Variants in ARAP2 observed in about 807,000 individuals in gnomAD.
ARAP2 encodes ArfGAP with RhoGAP domain, ankyrin repeat and PH domain 2, also known as arf-GAP with Rho-GAP domain, ANK repeat and PH domain-containing protein 2.
In ARAP2, 148 loss-of-function variants were observed where a neutral mutation model predicts 194.5. The ratio of observed to expected loss-of-function variants is 0.76; its 90% CI spans 0.67 to 0.87. The LOEUF (loss-of-function observed/expected upper bound fraction) is 0.87. ARAP2 is among the 40% of genes least tolerant of loss of function. The pLI is 0.00. For missense variants in ARAP2, 2,128 were observed against 1,989.7 expected, an observed-to-expected ratio of 1.07 and a Z score of -1.32; for synonymous variants, 695 against 683.5, an observed-to-expected ratio of 1.02 and a Z score of -0.26.
Position 36,183,403 on chromosome 4 carries a change from G to A in ARAP2, c.1678+4048C>T, listed in dbSNP as rs561139957. On this transcript the variant is annotated intron_variant, in intron 8 of 32. Coordinates refer to ENST00000303965, the MANE Select transcript of ARAP2 (RefSeq NM_015230.4). ...AATAACACACGTGCATGTTTCCCAC[G>A]GGGTCTAGAATCTGCTAAGATGGAC... 7.2e-5 allele frequency among the ~76,000 whole-genome samples: 11 copies of A among 152,168 alleles called. No individual in the cohort carries two copies. In the East Asian group the frequency reaches 1.4e-3, roughly 19 times the overall value.
chr4:36,118,799 G>A (rs1373798610), intron 24 of ARAP2, among the ~76,000 whole-genome samples: 8 of 151,324 alleles, frequency 5.3e-5, no homozygotes, highest in Non-Finnish European at 1.2e-4. Flanking sequence ...GGTCAAAATG[G>A]AGAAAATAAT....
intron 6 of ARAP2, among the ~76,000 whole-genome samples, chr4:36,194,124 T>C (rs190287358): frequency 4.2e-4 from 64 of 152,320 alleles, no homozygotes; most frequent in African/African-American, 1.4e-3. Flanking sequence ...TTGATTAAGC[T>C]GAAAAAGACC....
chr4:36,215,771 C>G (rs566396603), intron 2 of ARAP2, among the ~76,000 whole-genome samples: 1 of 152,046 alleles, frequency 6.6e-6, no homozygotes, highest in Admixed American at 6.5e-5. Context: ...ACTGCTTGAG[C>G]CCAGGAGGCG....
intron 2 of ARAP2, among the ~76,000 whole-genome samples, chr4:36,215,902 C>A (rs1038979635): frequency 1.3e-5 from 2 of 151,542 alleles, no homozygotes; most frequent in Admixed American, 6.6e-5. Context: ...AGAACCAGCA[C>A]GGGCAATATA....
At chr4:36,200,261 A>T (rs552230263) in intron 6 of ARAP2, among the ~76,000 whole-genome samples, 266 of 147,410 alleles carry the variant, frequency 1.8e-3, no homozygotes, top group African/African-American at 6.0e-3. Context: ...TTATTTATTT[A>T]TTTTTTTTTT....
rs1264496339 is a variant in ARAP2, at chr4:36,018,453, A to G, written n.750+691T>C. On this transcript the variant is annotated intron_variant and non_coding_transcript_variant, in intron 6 of 12. Transcript: ENST00000503225. The stretch of plus-strand genomic sequence containing the variant: ...GACAACTCACTCAATATCTCAAAAA[A>G]AAAAAAAAAAACTCAGCTGAAATGT... 2.6e-5 allele frequency among the ~76,000 whole-genome samples: 4 copies of G among 152,176 alleles called. No homozygotes were observed. In the South Asian group the frequency reaches 6.2e-4, roughly 24 times the overall value.
In ARAP2 at chr4:36,177,933, G is replaced by A. The variant is rs772678058; in HGVS notation, c.1751C>T (p.Ala584Val). 6.2e-7 allele frequency: 1 copy of A among 1,613,560 alleles called. No individual in the cohort carries two copies. The highest frequency in any genetic ancestry group is 8.5e-7 in the Non-Finnish European group (1 of 1,179,678). ...TCCACATTTCTCAGGTGTAACAACA[G>A]CTTGAGACTGCGAGGTAAGGGATTG... Reference protein sequence around the residue: ...KSQSLTSQSQAVVTPEKCGYL... With the variant: ...KSQSLTSQSQVVVTPEKCGYL... The change falls in exon 9 of 33, where the codon GCT becomes GTT. Residue 584 changes from alanine (A) to valine (V), a missense_variant. By Grantham distance (64) the Ala-to-Val change is moderately conservative. Transcript: ENST00000303965.
At position 36,107,611 on chromosome 4, in the gene ARAP2, C is replaced by T; in HGVS notation, c.4239G>A (p.Leu1413=). ...SSLAEPGSAY[L]VVKRFLTADT... ...CAGCGGTTAAGAATCTCTTCACCAC[C>T]AGGTAAGCAGAGCCAGGTTCAGCTA... The change falls in exon 27 of 33, where the codon CTG becomes CTA. Residue 1413 remains leucine, a synonymous_variant. Coordinates refer to ENST00000303965, the MANE Select transcript of ARAP2 (RefSeq NM_015230.4). 6.2e-7 allele frequency: 1 copy of T among 1,610,806 alleles called. No homozygotes were observed. Among genetic ancestry groups the T allele is most frequent in the South Asian group, 1.1e-5 (1 of 90,802 alleles).
chr4:36,148,032 C>T (rs1730054595), intron 17 of ARAP2, among the ~76,000 whole-genome samples: 1 of 152,112 alleles, frequency 6.6e-6, no homozygotes, highest in African/African-American at 2.4e-5. Context: ...AAATGTCAAC[C>T]TTCAGCATTT....
At chr4:36,054,668 A>G (rs1172816868) in intron 2 of ARAP2, among the ~76,000 whole-genome samples, 1 of 152,226 alleles carries the variant, frequency 6.6e-6, no homozygotes, top group Non-Finnish European at 1.5e-5. Flanking sequence ...AAAAGCAAAC[A>G]TAAAAGGCAA....
rs1484454287 is a variant in ARAP2, at chr4:36,147,283, A to T, written c.3263+13T>A. The T allele has an allele frequency of 1.2e-6, 2 of 1,612,082 alleles. No homozygotes were observed. Among genetic ancestry groups the T allele is most frequent in the South Asian group, 2.2e-5 (2 of 90,962 alleles). On this transcript the variant is annotated intron_variant, in intron 19 of 32. Transcript: ENST00000303965. ...TTGTTGAGATAAGGAATAAAAAGCA[A>T]AAAGGCACTTACCTCCCTTTTTCTA...
intron 19 of ARAP2, among the ~76,000 whole-genome samples, chr4:36,137,554 A>C (rs1727143232): frequency 6.6e-6 from 1 of 151,826 alleles, no homozygotes; most frequent in Middle Eastern, 3.2e-3. Flanking sequence ...TGATCCCTTA[A>C]AGGAAAAGAT....
chr4:36,179,445 T>C (rs1299370335), intron 8 of ARAP2, among the ~76,000 whole-genome samples: 1 of 152,142 alleles, frequency 6.6e-6, no homozygotes, highest in Non-Finnish European at 1.5e-5. Context: ...GGCATGCGCA[T>C]CCACGCAGAC....
intron 2 of ARAP2, among the ~76,000 whole-genome samples, chr4:36,219,573 A>C (rs1048995843): frequency 1.3e-5 from 2 of 152,194 alleles, no homozygotes; most frequent in African/African-American, 4.8e-5. Context: ...AAATGTTCTA[A>C]ATCTTAATTG....
Position 36,083,348 on chromosome 4 carries a change from A to T in ARAP2, c.4508+20T>A, listed in dbSNP as rs762615992. ...TTTCCCATAAGTTTTTCCTTTCAGC[A>T]CTTCCCTTTCAAACTTTACCTTGTT... On this transcript the variant is annotated intron_variant, in intron 29 of 32. Coordinates refer to ENST00000303965, the MANE Select transcript of ARAP2 (RefSeq NM_015230.4). The T allele has an allele frequency of 6.4e-7, 1 of 1,561,712 alleles. No homozygotes were observed. The highest frequency in any genetic ancestry group is 1.4e-5 in the African/African-American group (1 of 73,330).
At chr4:36,160,089 T>A (rs1274941225) in intron 13 of ARAP2, 2 of 993,440 alleles carry the variant, frequency 2.0e-6, no homozygotes, top group African/African-American at 3.5e-5. Flanking sequence ...ATAGGAACTG[T>A]TAGAATCCTT....
At chr4:36,036,934 T>C (rs1203489072) in intron 5 of ARAP2, among the ~76,000 whole-genome samples, 1 of 152,166 alleles carries the variant, frequency 6.6e-6, no homozygotes, top group African/African-American at 2.4e-5. Context: ...TTAATATCAA[T>C]ATACAGCCAG....
At chr4:36,137,768 C>T (rs1202404757) in intron 19 of ARAP2, among the ~76,000 whole-genome samples, 4 of 151,690 alleles carry the variant, frequency 2.6e-5, no homozygotes, top group African/African-American at 9.7e-5. Flanking sequence ...CTTTCCTTTA[C>T]CTGAGGAATC....
chr4:36,122,806 G>A (rs769923739), intron 22 of ARAP2, among the ~76,000 whole-genome samples: 17 of 151,554 alleles, frequency 1.1e-4, no homozygotes, highest in Non-Finnish European at 2.4e-4. Flanking sequence ...CCCTAAGAAA[G>A]GGAAAGTTAC....
Sources: gnomAD v4.1 joint callset for allele counts (sites outside exome capture counted in the v4.1 genomes callset) on GRCh38, gnomAD v4.1.1 for gene constraint, MANE v1.5 for transcripts, NCBI Gene and HGNC (gene_info 2026-07-23, HGNC 2026-07-21) for gene names.